MYO6: variants seen among roughly 807,000 people sequenced by gnomAD.
The protein encoded by MYO6 is myosin VI.
A neutral mutation model predicts 178.7 loss-of-function variants in MYO6; 74 were observed. The ratio of observed to expected loss-of-function variants is 0.41; its 90% CI spans 0.34 to 0.50. The LOEUF is 0.50. Ranked by LOEUF, MYO6 falls within the 20% of genes least tolerant of loss-of-function variation. MYO6 has a pLI of 0.09. For synonymous variants in MYO6, 477 were observed against 504.6 expected (o/e 0.95, Z 0.73); for missense variants, 1,330 against 1,547.4 (o/e 0.86, Z 2.36).
chr6:75,753,455 G>GTGTATATATATATA (rs370647728), intron 1 of MYO6, among the ~76,000 whole-genome samples: 42 of 140,048 alleles, frequency 3.0e-4, no homozygotes, highest in African/African-American at 1.1e-3. Context: ...GTGTGTGTGT[G>GTGTATATATATATA]TATATATATA....
intron 1 of MYO6, among the ~76,000 whole-genome samples, chr6:75,794,330 G>A (rs2150095766): frequency 6.6e-6 from 1 of 152,210 alleles, no homozygotes; most frequent in East Asian, 1.9e-4. Context: ...AATGTATGTA[G>A]CACAATGAAT....
intron 1 of MYO6, among the ~76,000 whole-genome samples, chr6:75,764,874 C>T (rs1320763283): frequency 6.6e-6 from 1 of 151,762 alleles, no homozygotes; most frequent in Non-Finnish European, 1.5e-5. Context: ...TGGCAGGCAC[C>T]TGTAGTCCCA....
chr6:75,842,207 C>T (rs1276661894), intron 9 of MYO6, among the ~76,000 whole-genome samples: 2 of 151,948 alleles, frequency 1.3e-5, no homozygotes, highest in Non-Finnish European at 2.9e-5. Flanking sequence ...CACATGCACA[C>T]ACACACACAC....
In MYO6 at chr6:75,891,253, AAAC is replaced by A. The variant is rs778245362; in HGVS notation, c.2896_2898del (p.Gln966del). ...GAAACTTGAGATGGAAGCAAAGAGA[AAAC>A]AAGAAGAAGAAGAGAGAAAGAAAAG... is the stretch of plus-strand genomic sequence containing the variant. On this transcript the variant is annotated inframe_deletion, in exon 27 of 35. Coordinates refer to ENST00000369977, the MANE Select transcript of MYO6 (RefSeq NM_004999.4). 1.9e-6 allele frequency: 3 copies of A among 1,608,900 alleles called. No homozygotes were observed. Among genetic ancestry groups the A allele is most frequent in the East Asian group, 2.2e-5 (1 of 44,662 alleles).
chr6:75,897,783 T>C (rs1362774643), intron 29 of MYO6, among the ~76,000 whole-genome samples: 1 of 152,164 alleles, frequency 6.6e-6, no homozygotes, highest in Non-Finnish European at 1.5e-5. Flanking sequence ...AAAAGCAAAA[T>C]AAGTTTTTTG....
chr6:75,796,305 G>A (rs1034716032), intron 1 of MYO6, among the ~76,000 whole-genome samples: 12 of 152,108 alleles, frequency 7.9e-5, no homozygotes, highest in African/African-American at 2.9e-4. Context: ...TATCTGTCAG[G>A]CTTTGTCTTC....
At chr6:75,786,505 C>A (rs1767580845) in intron 1 of MYO6, among the ~76,000 whole-genome samples, 2 of 152,206 alleles carry the variant, frequency 1.3e-5, no homozygotes, top group African/African-American at 4.8e-5. Context: ...AGCATTGAGT[C>A]TTCTCACCTA....
At chr6:75,784,802 A>AG (rs1562153238) in intron 1 of MYO6, among the ~76,000 whole-genome samples, 1 of 147,022 alleles carries the variant, frequency 6.8e-6, no homozygotes, top group African/African-American at 2.6e-5. Flanking sequence ...AAAAAAAAAA[A>AG]AGAGGGTGGA....
chr6:75,768,658 C>T (rs1296983012), intron 1 of MYO6, among the ~76,000 whole-genome samples: 2 of 151,850 alleles, frequency 1.3e-5, no homozygotes, highest in African/African-American at 2.4e-5. Flanking sequence ...CTGGGATTAC[C>T]GGTATGAGCC....
intron 1 of MYO6, among the ~76,000 whole-genome samples, chr6:75,757,339 A>G (rs2149972098): frequency 6.7e-6 from 1 of 149,562 alleles, no homozygotes; most frequent in South Asian, 2.1e-4. Context: ...ATATACATAT[A>G]CATATAGAAC....
chr6:75,885,420 C>A (rs1778350414), intron 23 of MYO6, among the ~76,000 whole-genome samples: 1 of 151,470 alleles, frequency 6.6e-6, no homozygotes, highest in Non-Finnish European at 1.5e-5. Flanking sequence ...AGTCCCACCT[C>A]ACCTACTCAG....
At chr6:75,842,750 A>G (rs1034401518) in intron 9 of MYO6, among the ~76,000 whole-genome samples, 2 of 152,168 alleles carry the variant, frequency 1.3e-5, no homozygotes, top group Admixed American at 6.5e-5. Flanking sequence ...TATAATAATG[A>G]TGATACGGTT....
intron 6 of MYO6, among the ~76,000 whole-genome samples, chr6:75,833,175 A>G (rs1343193376): frequency 1.3e-5 from 2 of 152,126 alleles, no homozygotes; most frequent in Non-Finnish European, 1.5e-5. Flanking sequence ...TTTTGTAGAG[A>G]TGAAGTCTTA....
In MYO6 at chr6:75,799,770, A is replaced by T. The variant is rs1236747938; in HGVS notation, c.-47-17731A>T. Among the ~76,000 whole-genome samples, 3 of 152,130 alleles carry T rather than the reference A, an allele frequency of 2.0e-5. No individual in the cohort carries two copies. In the East Asian group the frequency reaches 5.8e-4, roughly 29 times the overall value. On this transcript the variant is annotated intron_variant, in intron 1 of 34. Coordinates refer to ENST00000369977, the MANE Select transcript of MYO6 (RefSeq NM_004999.4). ...GTTAGTGTTCTCAAATGGGGAAAAG[A>T]TGAGAAGGAGAGGGTAGGTGTAGAC...
intron 1 of MYO6, among the ~76,000 whole-genome samples, chr6:75,773,648 G>C (rs1382015881): frequency 6.6e-6 from 1 of 152,160 alleles, no homozygotes; most frequent in Non-Finnish European, 1.5e-5. Context: ...GTTGCAGTAG[G>C]GAGATGGACA....
At chr6:75,866,795 C>G (rs1776741468) in intron 17 of MYO6, 137 bp from the exon 18 acceptor site, 1 of 1,085,116 alleles carries the variant, frequency 9.2e-7, no homozygotes, top group Non-Finnish European at 1.4e-6. Context: ...AGTGTCCACA[C>G]TGACTAGTGG....
At chr6:75,772,727 C>A (rs1766016288) in intron 1 of MYO6, among the ~76,000 whole-genome samples, 1 of 152,022 alleles carries the variant, frequency 6.6e-6, no homozygotes, top group African/African-American at 2.4e-5. Context: ...AATTTTATAC[C>A]TATTGTGTTG....
chr6:75,816,592 T>C (rs1771272608), intron 1 of MYO6, among the ~76,000 whole-genome samples: 1 of 152,238 alleles, frequency 6.6e-6, no homozygotes, highest in South Asian at 2.1e-4. Context: ...TCACTGTATG[T>C]CAGTTTTACC....
chr6:75,874,810 C>G (rs1165923345), intron 20 of MYO6, among the ~76,000 whole-genome samples: 1 of 152,188 alleles, frequency 6.6e-6, no homozygotes, highest in Non-Finnish European at 1.5e-5. Flanking sequence ...GTTGCTTTTT[C>G]AGTTTCATGC....
Sources: gnomAD v4.1 joint callset for allele counts (sites outside exome capture counted in the v4.1 genomes callset) on GRCh38, gnomAD v4.1.1 for gene constraint, MANE v1.5 for transcripts, NCBI Gene and HGNC (gene_info 2026-07-23, HGNC 2026-07-21) for gene names.